The following VWC2 variants were observed in gnomAD, a reference collection of about 807,000 sequenced individuals.
VWC2 encodes von Willebrand factor C domain containing 2.
A neutral mutation model predicts 29.8 loss-of-function variants in VWC2; 14 were observed. The observed-to-expected ratio is 0.47, with a 90% CI of 0.31 to 0.74. VWC2 has a LOEUF of 0.74. VWC2 is among the 30% of genes least tolerant of loss of function. The pLI is 0.05. For missense variants in VWC2, 457 were observed against 459.8 expected (o/e 0.99, Z 0.05); for synonymous variants, 213 against 199.0 (o/e 1.07, Z -0.59).
intron 3 of VWC2, among the ~76,000 whole-genome samples, chr7:49,905,500 TA>T (rs1459740797): frequency 6.6e-6 from 1 of 152,242 alleles, no homozygotes; most frequent in Non-Finnish European, 1.5e-5. Flanking sequence ...ATTTCATTGG[TA>T]ATATATTTTA....
Position 49,838,729 on chromosome 7 carries a change from CT to C in VWC2, c.826+35890del, listed in dbSNP as rs543827226. 1.6e-3 allele frequency among the ~76,000 whole-genome samples: 244 copies of C among 152,244 alleles called. 2 individuals carry two copies. Among genetic ancestry groups the C allele is most frequent in the African/African-American group, 5.7e-3 (235 of 41,532 alleles). On this transcript the variant is annotated intron_variant, in intron 3 of 3. Coordinates refer to ENST00000340652, the MANE Select transcript of VWC2 (RefSeq NM_198570.5). ...ATAGCTACAATTTATTTTTTAGGAC[CT>C]AAAAGTTTCCAGGATTTTCCAGGAG...
intron 2 of VWC2, among the ~76,000 whole-genome samples, chr7:49,796,033 G>C (rs543700071): frequency 6.6e-6 from 1 of 152,126 alleles, no homozygotes. Context: ...GGGGGCAGAC[G>C]ATATTTCAGT....
intron 3 of VWC2, among the ~76,000 whole-genome samples, chr7:49,870,755 A>G (rs181296203): frequency 5.4e-4 from 83 of 152,352 alleles, no homozygotes; most frequent in Non-Finnish European, 8.1e-4. Flanking sequence ...TGAAAATGCA[A>G]CCTGCATGAT....
intron 3 of VWC2, among the ~76,000 whole-genome samples, chr7:49,857,723 G>C (rs1790482395): frequency 6.6e-6 from 1 of 152,118 alleles, no homozygotes; most frequent in African/African-American, 2.4e-5. Context: ...TGTAGTCCTT[G>C]TCAAAAACAG....
chr7:49,775,594 G>A lies in VWC2; in HGVS notation c.159G>A (p.Arg53=). 6.5e-7 allele frequency: 1 copy of A among 1,536,282 alleles called. No individual in the cohort carries two copies. The highest frequency in any genetic ancestry group is 8.7e-7 in the Non-Finnish European group (1 of 1,143,692). The change falls in exon 2 of 4, where the codon CGG becomes CGA. Residue 53 remains arginine (R), a synonymous_variant. Transcript: ENST00000340652. ...AGGAGAAGCGTGAGCACGCCTCTCG[G>A]GACGGCCCGGGGCGGGTGAACGAGC... The part of the protein sequence containing the change: ...PGQEKREHAS[R]DGPGRVNELG...
intron 3 of VWC2, among the ~76,000 whole-genome samples, chr7:49,815,900 T>C (rs889964950): frequency 6.6e-6 from 1 of 152,136 alleles, no homozygotes; most frequent in Non-Finnish European, 1.5e-5. Flanking sequence ...AAAAAATGGC[T>C]AATAGGAAAA....
At chr7:49,774,992 C>G (rs1229284167) in intron 1 of VWC2, among the ~76,000 whole-genome samples, 1 of 152,166 alleles carries the variant, frequency 6.6e-6, no homozygotes, top group Non-Finnish European at 1.5e-5. Flanking sequence ...ACCCTGGGTG[C>G]CTGAATTACG....
At chr7:49,890,249 T>C (rs754827720) in intron 3 of VWC2, among the ~76,000 whole-genome samples, 4 of 152,190 alleles carry the variant, frequency 2.6e-5, no homozygotes, top group Non-Finnish European at 4.4e-5. Flanking sequence ...GCGTATTTGA[T>C]AAAAACTTTG....
In VWC2 at chr7:49,776,115, CTT is replaced by C. The variant is rs774781133; in HGVS notation, c.682_683del (p.Leu228GlyfsTer14). On this transcript the variant is annotated frameshift_variant, in exon 2 of 4. Transcript: ENST00000340652. LOFTEE classifies it high-confidence loss of function. ...GAGTTCCGGGGCAAGACCTATCAGACTTTGGAGGAGTTCGTGGTAAGATGCGA... is the reference window on the plus strand; with the variant it reads ...GAGTTCCGGGGCAAGACCTATCAGACTGGAGGAGTTCGTGGTAAGATGCGA... 1 of 1,527,482 alleles carries C rather than the reference CTT, an allele frequency of 6.5e-7. No individual in the cohort carries two copies. The highest frequency in any genetic ancestry group is 1.4e-5 in the African/African-American group (1 of 73,104). 94.6% of individuals were successfully genotyped at this position (1,527,482 alleles called of 1,614,324 possible).
At chr7:49,864,652 G>A (rs1335214020) in intron 3 of VWC2, among the ~76,000 whole-genome samples, 2 of 152,210 alleles carry the variant, frequency 1.3e-5, no homozygotes, top group African/African-American at 2.4e-5. Context: ...TGGCTTCTGA[G>A]TTAGGCAAAA....
chr7:49,788,260 G>A (rs556501823), intron 2 of VWC2, among the ~76,000 whole-genome samples: 2 of 152,226 alleles, frequency 1.3e-5, no homozygotes, highest in Admixed American at 6.5e-5. Flanking sequence ...GTGTCCAGAC[G>A]GGCATCCATT....
At chr7:49,780,800 G>C (rs1252925534) in intron 2 of VWC2, among the ~76,000 whole-genome samples, 1 of 152,218 alleles carries the variant, frequency 6.6e-6, no homozygotes, top group Non-Finnish European at 1.5e-5. Context: ...GGGGTACTTG[G>C]AGGTGAAATG....
intron 2 of VWC2, among the ~76,000 whole-genome samples, chr7:49,794,789 T>C (rs1788547727): frequency 6.6e-6 from 1 of 152,150 alleles, no homozygotes. Flanking sequence ...GGAGCATCCT[T>C]TGGACACCTC....
intron 3 of VWC2, among the ~76,000 whole-genome samples, chr7:49,868,676 G>C (rs1174223942): frequency 6.6e-6 from 1 of 152,186 alleles, no homozygotes; most frequent in African/African-American, 2.4e-5. Flanking sequence ...GAAGTGCAAT[G>C]GCACGATCTT....
At chr7:49,789,292 T>TGTGAGC (rs1456313608) in intron 2 of VWC2, among the ~76,000 whole-genome samples, 1 of 143,956 alleles carries the variant, frequency 6.9e-6, no homozygotes, top group Non-Finnish European at 1.5e-5. Flanking sequence ...AGAGTGTGAG[T>TGTGAGC]GTGAGCGGGT....
At chr7:49,883,293 T>A (rs935945150) in intron 3 of VWC2, among the ~76,000 whole-genome samples, 2 of 152,028 alleles carry the variant, frequency 1.3e-5, no homozygotes, top group African/African-American at 2.4e-5. Flanking sequence ...GGCACTGCCA[T>A]GGAGAACAAA....
At chr7:49,800,640 A>T (rs567450598) in intron 2 of VWC2, among the ~76,000 whole-genome samples, 23 of 152,150 alleles carry the variant, frequency 1.5e-4, no homozygotes, top group African/African-American at 4.8e-4. Flanking sequence ...CTTCCAGCTG[A>T]AGGCTTCTGA....
chr7:49,903,126 A>C (rs1197472307), intron 3 of VWC2, among the ~76,000 whole-genome samples: 1 of 152,212 alleles, frequency 6.6e-6, no homozygotes, highest in Non-Finnish European at 1.5e-5. Flanking sequence ...GCTGGTAAAG[A>C]TGTGAGTAAA....
At chr7:49,841,183 C>G (rs1296491381) in intron 3 of VWC2, among the ~76,000 whole-genome samples, 1 of 152,160 alleles carries the variant, frequency 6.6e-6, no homozygotes. Context: ...GTGCTCCAGA[C>G]TCAAGTAACC....
Sources: allele counts gnomAD v4.1 joint callset (sites outside exome capture counted in the v4.1 genomes callset), GRCh38; gene constraint gnomAD v4.1.1; transcripts MANE v1.5; gene names NCBI Gene and HGNC (gene_info 2026-07-23, HGNC 2026-07-21).